TBL1Y: variants seen among roughly 807,000 people sequenced by gnomAD.
TBL1Y encodes F-box-like/WD repeat-containing protein TBL1Y.
In TBL1Y, 15 loss-of-function variants were observed where a neutral mutation model predicts 12.0. The observed-to-expected ratio is 1.25, with a 90% CI of 0.83 to 1.92. The LOEUF is 1.92. Ranked by LOEUF, TBL1Y falls within the 40% of genes most tolerant of loss-of-function variation. The pLI is 0.00. For synonymous variants in TBL1Y, 53 were observed against 42.6 expected (o/e 1.24, Z -0.95); for missense variants, 148 against 116.7 (o/e 1.27, Z -1.24).
chrY:6,977,163 G>A, intron 2 of TBL1Y, among the ~76,000 whole-genome samples: 2 of 32,959 alleles, frequency 6.1e-5, no homozygotes, highest in Non-Finnish European at 1.5e-4. Flanking sequence ...TACTAGCCTA[G>A]ACCAAAGATG....
Position 7,070,744 on chromosome Y carries a change from A to G in TBL1Y, c.615A>G (p.Ile205Met). The change falls in exon 10 of 19, where the codon ATA becomes ATG. Residue 205 changes from isoleucine (I) to methionine (M), a missense_variant. By Grantham distance (10) the Ile-to-Met change is conservative. Transcript: ENST00000383032. ...GATCTGGAGACTCAACTGCAAGGATATGGAACCTGAATGAGAATAGCAACG... is the reference window on the plus strand; with the variant it reads ...GATCTGGAGACTCAACTGCAAGGATGTGGAACCTGAATGAGAATAGCAACG... The part of the protein sequence containing the change: ...ASGSGDSTAR[I>M]WNLNENSNGG... The G allele has an allele frequency of 2.5e-6, 1 of 398,571 alleles. No individual in the cohort carries two copies. Among genetic ancestry groups the G allele is most frequent in the Non-Finnish European group, 3.5e-6 (1 of 283,590 alleles).
At chrY:6,932,256 C>G in intron 2 of TBL1Y, among the ~76,000 whole-genome samples, 1 of 33,634 alleles carries the variant, frequency 3.0e-5, no homozygotes, top group Non-Finnish European at 7.3e-5. Flanking sequence ...TTGGCTTTGC[C>G]GTAAATGTTT....
At chrY:6,984,702 C>G in intron 3 of TBL1Y, among the ~76,000 whole-genome samples, 1 of 34,082 alleles carries the variant, frequency 2.9e-5, no homozygotes, top group Admixed American at 2.6e-4. Context: ...CCAGCTACCC[C>G]CTGTAGGTTT....
In TBL1Y at chrY:6,992,467, A is replaced by T. The variant is rs373219368; in HGVS notation, c.-234-3337A>T. ...ATCTTAGATCAGACCTATCTTAACC[A>T]GTTTACATCTGCAAAGACCCTATTT... On this transcript the variant is annotated intron_variant, in intron 3 of 18. Transcript: ENST00000383032. 5.0e-3 allele frequency among the ~76,000 whole-genome samples: 167 copies of T among 33,527 alleles called. No homozygotes were observed. The South Asian group carries it at 0.11, about 21-fold the overall frequency. 89.9% of individuals were successfully genotyped at this position (33,527 alleles called of 37,273 possible).
chrY:7,091,458 G>T lies in TBL1Y; in HGVS notation c.1549-14G>T. ...TATTTCTGAAGATGACAAGTACTTT[G>T]TCTTTCCTTCCAGGTGTGTGTTCTG... On this transcript the variant is annotated splice_polypyrimidine_tract_variant and intron_variant, in intron 18 of 18. Transcript: ENST00000383032. 1.8e-5 allele frequency: 7 copies of T among 379,744 alleles called. No homozygotes were observed. Among genetic ancestry groups the T allele is most frequent in the Non-Finnish European group, 2.6e-5 (7 of 274,138 alleles). 94.7% of individuals were successfully genotyped at this position (379,744 alleles called of 400,897 possible). A position where few individuals can be genotyped will look rare whatever the true frequency, so the allele number is the denominator to read the frequency against.
At chrY:7,060,517 T>C (rs2124171070) in intron 7 of TBL1Y, among the ~76,000 whole-genome samples, 2 of 30,385 alleles carry the variant, frequency 6.6e-5, no homozygotes, top group South Asian at 1.6e-3. Flanking sequence ...TTCTCAACGT[T>C]GATAACCATT....
At chrY:7,063,849 G>A in intron 7 of TBL1Y, 48 bp from the exon 8 acceptor site, 1 of 394,850 alleles carries the variant, frequency 2.5e-6, no homozygotes, top group Non-Finnish European at 3.6e-6. Context: ...CATTCCCAGA[G>A]CCCTCACCCT....
At chrY:7,028,156 G>A in intron 6 of TBL1Y, among the ~76,000 whole-genome samples, 1 of 33,929 alleles carries the variant, frequency 2.9e-5, no homozygotes, top group Non-Finnish European at 7.3e-5. Context: ...CAGAGTCACC[G>A]AGCTTGTGGC....
At chrY:7,053,849 A>G (rs755847010) in intron 7 of TBL1Y, among the ~76,000 whole-genome samples, 281 of 33,526 alleles carry the variant, frequency 8.4e-3, no homozygotes, top group Middle Eastern at 0.027. Flanking sequence ...ACTGAAAAGG[A>G]AAGGGGAAAA....
At chrY:6,970,626 G>A in intron 2 of TBL1Y, among the ~76,000 whole-genome samples, 2 of 33,766 alleles carry the variant, frequency 5.9e-5, no homozygotes, top group Non-Finnish European at 1.5e-4. Context: ...AGAAGCAAGG[G>A]ACATGGACTT....
At chrY:7,068,100 G>A (rs1043848482) in intron 8 of TBL1Y, among the ~76,000 whole-genome samples, 2 of 31,615 alleles carry the variant, frequency 6.3e-5, no homozygotes, top group Non-Finnish European at 1.5e-4. Context: ...TCGGGAGTTC[G>A]AGACCAGCTT....
At chrY:6,913,412 A>T (rs955690400) in intron 2 of TBL1Y, among the ~76,000 whole-genome samples, 6 of 32,069 alleles carry the variant, frequency 1.9e-4, no homozygotes, top group African/African-American at 7.4e-4. Flanking sequence ...GCTTTCTAAG[A>T]GACTGTACTG....
At chrY:6,914,788 G>A in intron 2 of TBL1Y, among the ~76,000 whole-genome samples, 2 of 33,602 alleles carry the variant, frequency 6.0e-5, no homozygotes, top group Non-Finnish European at 1.5e-4. Flanking sequence ...CGAAGCCAGT[G>A]AAATTGAAAA....
chrY:6,940,254 CA>C (rs1489889684), intron 2 of TBL1Y, among the ~76,000 whole-genome samples: 5 of 25,688 alleles, frequency 1.9e-4, no homozygotes, highest in African/African-American at 4.5e-4. Context: ...GACTCCCTTT[CA>C]AAAAAAAAAA....
At chrY:7,032,932 C>T (rs2012663858) in intron 6 of TBL1Y, among the ~76,000 whole-genome samples, 1 of 33,158 alleles carries the variant, frequency 3.0e-5, no homozygotes, top group Non-Finnish European at 7.4e-5. Context: ...ACTAGAGAAG[C>T]AAGAGCAAAC....
intron 2 of TBL1Y, among the ~76,000 whole-genome samples, chrY:6,965,244 A>G (rs765319851): frequency 7.9e-3 from 260 of 32,887 alleles, no homozygotes; most frequent in African/African-American, 0.028. Flanking sequence ...TTTCCCCCCA[A>G]TTTTGATGGT....
intron 2 of TBL1Y, among the ~76,000 whole-genome samples, chrY:6,926,638 C>T: frequency 3.0e-5 from 1 of 33,746 alleles, no homozygotes; most frequent in South Asian, 6.7e-4. Context: ...TGGAGTCTTG[C>T]TCTGTTGCCC....
chrY:7,072,907 T>A, intron 12 of TBL1Y, among the ~76,000 whole-genome samples: 1 of 34,132 alleles, frequency 2.9e-5, no homozygotes, highest in African/African-American at 1.1e-4. Flanking sequence ...GGAACAGTTG[T>A]GCATTCCCAA....
At chrY:7,034,074 A>G (rs2012672384) in intron 6 of TBL1Y, among the ~76,000 whole-genome samples, 1 of 33,381 alleles carries the variant, frequency 3.0e-5, no homozygotes, top group Non-Finnish European at 7.4e-5. Flanking sequence ...TTGTATATTT[A>G]AAAAACCCCA....
Sources: gnomAD v4.1 joint callset for allele counts (sites outside exome capture counted in the v4.1 genomes callset) on GRCh38, gnomAD v4.1.1 for gene constraint, MANE v1.5 for transcripts, NCBI Gene and HGNC (gene_info 2026-07-23, HGNC 2026-07-21) for gene names.